The following PDE1C variants were observed in gnomAD, a reference collection of about 807,000 sequenced individuals.
PDE1C encodes phosphodiesterase 1C, also known as dual specificity calcium/calmodulin-dependent 3',5'-cyclic nucleotide phosphodiesterase 1C.
PDE1C carries 62 observed loss-of-function variants against 93.1 expected under a neutral mutation model. That is an observed-to-expected ratio of 0.67 (90% confidence interval 0.54 to 0.82). PDE1C has a LOEUF of 0.82. Among genes scored for constraint, PDE1C ranks in the 40% least tolerant of loss-of-function variants. The pLI, the probability that PDE1C is intolerant of heterozygous loss-of-function variation, is 0.00. For synonymous variants in PDE1C, 325 were observed against 310.1 expected (o/e 1.05, Z -0.50); for missense variants, 742 against 884.6 (o/e 0.84, Z 2.04).
intron 4 of PDE1C, among the ~76,000 whole-genome samples, chr7:31,878,472 G>A (rs556569074): frequency 5.9e-5 from 9 of 152,278 alleles, no homozygotes; most frequent in South Asian, 2.1e-4. Context: ...TAAACTTACC[G>A]TGGTGTTTCT....
At chr7:32,123,930 T>C (rs1460042696) in intron 3 of PDE1C, among the ~76,000 whole-genome samples, 4 of 152,202 alleles carry the variant, frequency 2.6e-5, no homozygotes, top group African/African-American at 9.6e-5. Context: ...CTGTTTGTGA[T>C]GACGTGATTC....
At chr7:31,637,594 T>C in the PDE1C span, among the ~76,000 whole-genome samples, 1 of 152,224 alleles carries the variant, frequency 6.6e-6, no homozygotes, top group Non-Finnish European at 1.5e-5. Flanking sequence ...GTTTGTTTTT[T>C]CTCGTAAATT....
upstream of PDE1C, chr7:32,071,202 T>A (rs1796026130): frequency 1.0e-6 from 1 of 985,144 alleles, no homozygotes; most frequent in Non-Finnish European, 1.2e-6. Context: ...TCCGGAACCC[T>A]CACCTCAACA....
the PDE1C span, chr7:31,695,571 A>T: frequency 6.2e-7 from 1 of 1,614,028 alleles, no homozygotes; most frequent in Non-Finnish European, 8.5e-7. Context: ...GACCAAAAAA[A>T]ACCAAGGAGG....
At chr7:32,199,654 CA>C (rs1182555106) in intron 2 of PDE1C, among the ~76,000 whole-genome samples, 1 of 152,036 alleles carries the variant, frequency 6.6e-6, no homozygotes, top group Non-Finnish European at 1.5e-5. Flanking sequence ...TAAAATTTTC[CA>C]TTTTTTCCAA....
chr7:32,333,130 C>A (rs1485555940), intron 1 of PDE1C, among the ~76,000 whole-genome samples: 1 of 152,030 alleles, frequency 6.6e-6, no homozygotes, highest in South Asian at 2.1e-4. Flanking sequence ...AAACCATAGT[C>A]AAAGTAAACC....
intron 3 of PDE1C, among the ~76,000 whole-genome samples, chr7:32,148,568 T>G (rs1801052177): frequency 6.6e-6 from 1 of 152,198 alleles, no homozygotes; most frequent in Non-Finnish European, 1.5e-5. Flanking sequence ...GCTTCTAAAC[T>G]TATATATTTA....
At chr7:31,785,956 C>T (rs764044921) in intron 16 of PDE1C, 5 of 152,020 alleles carry the variant, frequency 3.3e-5, no homozygotes, top group Admixed American at 6.6e-5. Context: ...GATAATGAGG[C>T]CTTTAATCAT....
intron 1 of PDE1C, among the ~76,000 whole-genome samples, chr7:32,346,463 T>C (rs994761179): frequency 1.3e-5 from 2 of 152,190 alleles, no homozygotes; most frequent in Non-Finnish European, 2.9e-5. Flanking sequence ...AAGGTAACCT[T>C]GCAGTGGGAC....
intron 2 of PDE1C, among the ~76,000 whole-genome samples, chr7:32,028,555 CTTAA>C (rs1345338469): frequency 1.3e-5 from 2 of 151,854 alleles, no homozygotes; most frequent in African/African-American, 4.8e-5. Flanking sequence ...ATTTCTTTAT[CTTAA>C]TTTTTATTAC....
At chr7:32,087,702 G>A (rs1797191659) in intron 3 of PDE1C, among the ~76,000 whole-genome samples, 1 of 152,068 alleles carries the variant, frequency 6.6e-6, no homozygotes, top group Non-Finnish European at 1.5e-5. Context: ...TCCTTTGTAG[G>A]GACATGGATG....
chr7:32,096,820 A>T lies in PDE1C; in HGVS notation c.308+72965T>A, dbSNP rs200765160. Among the ~76,000 whole-genome samples the T allele has an allele frequency of 2.6e-3, 380 of 144,590 alleles. 3 individuals are homozygous for T. Among genetic ancestry groups the T allele is most frequent in the African/African-American group, 9.2e-3 (353 of 38,312 alleles). The allele number at this position is 144,590 out of a possible 152,430, so 94.9% of individuals were successfully genotyped here. On this transcript the variant is annotated intron_variant, in intron 3 of 18. Transcript: ENST00000396193. ...AGAATCAGAACCAGTAGGGGATAGA[A>T]AGATAGATAGATAGATAGATAGATA...
intron 9 of PDE1C, among the ~76,000 whole-genome samples, chr7:31,846,295 G>GAA (rs1033715657): frequency 2.7e-5 from 4 of 148,340 alleles, no homozygotes; most frequent in African/African-American, 5.0e-5. Context: ...CTGTCCAATG[G>GAA]AATAGAACAG....
chr7:31,795,838 C>G (rs1584125345), intron 16 of PDE1C, among the ~76,000 whole-genome samples: 2 of 151,324 alleles, frequency 1.3e-5, no homozygotes, highest in African/African-American at 4.8e-5. Flanking sequence ...AAAATAAAAC[C>G]AATTATGTTG....
chr7:32,210,053 C>T (rs1490601139), intron 1 of PDE1C, among the ~76,000 whole-genome samples: 1 of 152,198 alleles, frequency 6.6e-6, no homozygotes, highest in Non-Finnish European at 1.5e-5. Flanking sequence ...TGCTAACAAA[C>T]AGGGAAGTTC....
chr7:31,964,656 T>A (rs1476295757), intron 2 of PDE1C, among the ~76,000 whole-genome samples: 1 of 152,184 alleles, frequency 6.6e-6, no homozygotes, highest in Non-Finnish European at 1.5e-5. Context: ...GCAGACTGCC[T>A]CCTCAAGTGG....
upstream of PDE1C, chr7:32,070,522 T>TCCCCCTTCTGCGCCCC: frequency 6.7e-7 from 1 of 1,499,634 alleles, no homozygotes; most frequent in Non-Finnish European, 8.9e-7. Context: ...CTCGGCGCGC[T>TCCCCCTTCTGCGCCCC]CCCCCTTCTG....
intron 2 of PDE1C, among the ~76,000 whole-genome samples, chr7:31,986,254 C>CT (rs1783383720): frequency 6.6e-6 from 1 of 152,024 alleles, no homozygotes; most frequent in East Asian, 1.9e-4. Flanking sequence ...TGTTCCATGC[C>CT]TTGTAGCTGT....
chr7:31,828,279 T>A lies in PDE1C; in HGVS notation c.1285+13A>T. Reference sequence around the variant, plus strand: ...GCTTTGGTGCTTCTATCCAAAGAGCTGCAAACACGTACCTACTTGTGACTG... The same window carrying A: ...GCTTTGGTGCTTCTATCCAAAGAGCAGCAAACACGTACCTACTTGTGACTG... On this transcript the variant is annotated intron_variant, in intron 12 of 17. Coordinates refer to ENST00000396191, the MANE Select transcript of PDE1C (RefSeq NM_001191057.4). 6.2e-7 allele frequency: 1 copy of A among 1,608,334 alleles called. No homozygotes were observed. The highest frequency in any genetic ancestry group is 8.5e-7 in the Non-Finnish European group (1 of 1,175,324).
Sources: allele counts gnomAD v4.1 joint callset (sites outside exome capture counted in the v4.1 genomes callset), GRCh38; gene constraint gnomAD v4.1.1; transcripts MANE v1.5; gene names NCBI Gene and HGNC (gene_info 2026-07-23, HGNC 2026-07-21).